RBFOX1: variants seen among roughly 807,000 people sequenced by gnomAD.
RBFOX1 encodes RNA binding protein fox-1 homolog 1.
Under a neutral mutation model 57.7 loss-of-function variants are expected in RBFOX1, and 8 were observed. That is an observed-to-expected ratio of 0.14 (90% CI 0.08 to 0.25). The LOEUF is 0.25. Ranked by LOEUF, RBFOX1 falls within the 10% of genes least tolerant of loss-of-function variation. The probability of loss-of-function intolerance (pLI) is 1.00; values close to 1 mark genes in which losing one functional copy is unlikely to be tolerated. For synonymous variants in RBFOX1, 326 were observed against 222.4 expected (o/e 1.47, Z -4.15); for missense variants, 611 against 548.5 (o/e 1.11, Z -1.14).
At chr16:6,379,498 G>A (rs998289471) in intron 2 of RBFOX1, among the ~76,000 whole-genome samples, 1 of 152,026 alleles carries the variant, frequency 6.6e-6, no homozygotes, top group Non-Finnish European at 1.5e-5. Flanking sequence ...GAGTTCATAG[G>A]AGGGCATAAG....
chr16:6,729,839 C>G (rs904006985), intron 3 of RBFOX1, among the ~76,000 whole-genome samples: 1 of 151,962 alleles, frequency 6.6e-6, no homozygotes, highest in African/African-American at 2.4e-5. Context: ...GCTGAAGTAT[C>G]GTGGGACAAA....
At chr16:7,694,474 GCCTCAA>G (rs1351966477) in intron 14 of RBFOX1, among the ~76,000 whole-genome samples, 1 of 152,210 alleles carries the variant, frequency 6.6e-6, no homozygotes, top group Non-Finnish European at 1.5e-5. Flanking sequence ...TATATGGTCA[GCCTCAA>G]CCTTCATAAC....
At chr16:6,954,466 C>G (rs1276953406) in intron 3 of RBFOX1, among the ~76,000 whole-genome samples, 5 of 152,092 alleles carry the variant, frequency 3.3e-5, no homozygotes, top group South Asian at 2.1e-4. Flanking sequence ...AGGAACAAAA[C>G]TCAGTTTAAA....
chr16:5,282,917 G>T (rs2063306965), intron 1 of RBFOX1, among the ~76,000 whole-genome samples: 1 of 152,164 alleles, frequency 6.6e-6, no homozygotes, highest in Non-Finnish European at 1.5e-5. Flanking sequence ...TGTCTCCAGG[G>T]CATGTCACAG....
intron 3 of RBFOX1, among the ~76,000 whole-genome samples, chr16:5,781,919 G>A (rs1225002170): frequency 6.6e-6 from 1 of 152,172 alleles, no homozygotes; most frequent in African/African-American, 2.4e-5. Flanking sequence ...TAAAGAACAG[G>A]AACAGGCCAG....
chr16:7,484,710 C>T (rs770861836), intron 4 of RBFOX1, among the ~76,000 whole-genome samples: 2 of 152,184 alleles, frequency 1.3e-5, no homozygotes, highest in Non-Finnish European at 2.9e-5. Flanking sequence ...GTGATCCGCT[C>T]GCTTCAGCCT....
chr16:7,079,437 C>T (rs1008053065), intron 4 of RBFOX1, among the ~76,000 whole-genome samples: 4 of 152,222 alleles, frequency 2.6e-5, no homozygotes, highest in Admixed American at 6.5e-5. Context: ...CCACAGTTTA[C>T]ACTGTGTACC....
At chr16:7,582,635 T>C (rs2093861984) in intron 6 of RBFOX1, among the ~76,000 whole-genome samples, 1 of 152,170 alleles carries the variant, frequency 6.6e-6, no homozygotes, top group Non-Finnish European at 1.5e-5. Flanking sequence ...GTTTCCTCTT[T>C]TGGGTCATAG....
At chr16:7,548,302 G>T (rs1601547548) in intron 5 of RBFOX1, among the ~76,000 whole-genome samples, 1 of 152,096 alleles carries the variant, frequency 6.6e-6, no homozygotes, top group South Asian at 2.1e-4. Flanking sequence ...AACTACAGGT[G>T]CCTGCCACTA....
chr16:6,167,550 A>T (rs1381926685), intron 1 of RBFOX1, among the ~76,000 whole-genome samples: 4 of 152,200 alleles, frequency 2.6e-5, no homozygotes, highest in Non-Finnish European at 5.9e-5. Flanking sequence ...TTGGATGCCC[A>T]TCTTATCTAA....
chr16:5,737,783 G>C (rs1597040912), intron 3 of RBFOX1, among the ~76,000 whole-genome samples: 1 of 152,060 alleles, frequency 6.6e-6, no homozygotes, highest in African/African-American at 2.4e-5. Context: ...GGATGACATG[G>C]AGTAATGTCT....
intron 3 of RBFOX1, among the ~76,000 whole-genome samples, chr16:6,902,587 T>A (rs2068758583): frequency 6.6e-6 from 1 of 152,086 alleles, no homozygotes; most frequent in African/African-American, 2.4e-5. Flanking sequence ...CCAAGTATGG[T>A]GGCACACACC....
At chr16:5,804,479 G>GT (rs1051457368) in intron 3 of RBFOX1, among the ~76,000 whole-genome samples, 59 of 152,320 alleles carry the variant, frequency 3.9e-4, no homozygotes, top group African/African-American at 1.4e-3. Flanking sequence ...GGATGGCTTT[G>GT]TAGGGAGTCC....
intron 1 of RBFOX1, among the ~76,000 whole-genome samples, chr16:6,086,905 C>T (rs1459171773): frequency 6.6e-6 from 1 of 152,186 alleles, no homozygotes; most frequent in Non-Finnish European, 1.5e-5. Context: ...TGAAGGCTTT[C>T]TGCTGTTTAG....
intron 3 of RBFOX1, among the ~76,000 whole-genome samples, chr16:6,788,199 A>G (rs1199003906): frequency 6.6e-6 from 1 of 152,108 alleles, no homozygotes; most frequent in African/African-American, 2.4e-5. Context: ...TCCAGCCTGC[A>G]ACAAAAGTGA....
chr16:6,950,741 C>T (rs188326675), intron 3 of RBFOX1, among the ~76,000 whole-genome samples: 9 of 152,174 alleles, frequency 5.9e-5, no homozygotes, highest in Non-Finnish European at 4.4e-5. Context: ...AGGAGATTTG[C>T]GGCCATGTAA....
chr16:7,614,009 C>T (rs754215347), intron 10 of RBFOX1, among the ~76,000 whole-genome samples: 3 of 152,168 alleles, frequency 2.0e-5, no homozygotes, highest in Non-Finnish European at 2.9e-5. Flanking sequence ...TACAAGGTAA[C>T]TGTTACCATC....
At chr16:7,640,084 A>C (rs1418979106) in intron 11 of RBFOX1, among the ~76,000 whole-genome samples, 1 of 152,186 alleles carries the variant, frequency 6.6e-6, no homozygotes, top group African/African-American at 2.4e-5. Context: ...ATATTAACTT[A>C]GTTATTCCAC....
At position 6,658,066 on chromosome 16, in the gene RBFOX1, A is replaced by T. The variant is rs139477142; in HGVS notation, c.-16+3416A>T. ...TTGATAGAAGAATTTTAGAAAAGAC[A>T]AAACCTTAGGTTTTCCATGGAGTCC... On this transcript the variant is annotated intron_variant, in intron 3 of 15. Transcript: ENST00000550418. Among the ~76,000 whole-genome samples, 450 of 152,268 alleles carry T rather than the reference A, an allele frequency of 3.0e-3. 2 individuals carry two copies. Among genetic ancestry groups the T allele is most frequent in the Admixed American group, 5.7e-3 (87 of 15,296 alleles).
Sources: gnomAD v4.1 joint callset for allele counts (sites outside exome capture counted in the v4.1 genomes callset) on GRCh38, gnomAD v4.1.1 for gene constraint, MANE v1.5 for transcripts, NCBI Gene and HGNC (gene_info 2026-07-23, HGNC 2026-07-21) for gene names.